Variants in PLA2G5 observed in about 807,000 individuals in gnomAD.
The protein encoded by PLA2G5 is Ca2+-dependent phospholipase A2.
A neutral mutation model predicts 15.9 loss-of-function variants in PLA2G5; 12 were observed. That is an observed-to-expected ratio of 0.76 (90% CI 0.48 to 1.23). The LOEUF (loss-of-function observed/expected upper bound fraction) is 1.23. Among genes scored for constraint, PLA2G5 ranks in the 50% most tolerant of loss-of-function variants. The pLI is 0.00. For synonymous variants in PLA2G5, 71 were observed against 71.4 expected, an observed-to-expected ratio of 0.99 and a Z score of 0.03; for missense variants, 169 against 177.1, an observed-to-expected ratio of 0.95 and a Z score of 0.26.
At chr1:20,035,852 G>T (rs1232593704) in intron 1 of PLA2G5, among the ~76,000 whole-genome samples, 1 of 152,120 alleles carries the variant, frequency 6.6e-6, no homozygotes, top group African/African-American at 2.4e-5. Flanking sequence ...TATGCTTTAA[G>T]AAGGTTCTAT....
upstream of PLA2G5, among the ~76,000 whole-genome samples, chr1:20,065,253 T>G (rs12027115): frequency 0.063 from 9,580 of 152,270 alleles, 492 homozygotes; most frequent in East Asian, 0.25. Flanking sequence ...TTGTTAAAAT[T>G]GACTCAATAT....
intron 1 of PLA2G5, among the ~76,000 whole-genome samples, chr1:20,037,847 C>A (rs2013353281): frequency 6.6e-6 from 1 of 151,948 alleles, no homozygotes; most frequent in Non-Finnish European, 1.5e-5. Context: ...GCTACCAGGG[C>A]TGGTAGAGAT....
chr1:20,090,558 C>T lies in PLA2G5; in HGVS notation c.293-10C>T. On this transcript the variant is annotated splice_polypyrimidine_tract_variant and intron_variant, in intron 4 of 4. Transcript: ENST00000375108. ...CCCACCCTCATTCTGCTCTTGGTGT[C>T]CTTTTGCAGAGCCCGGGCCCTTCTG... 6.2e-7 allele frequency: 1 copy of T among 1,614,048 alleles called. No individual in the cohort carries two copies. The highest frequency in any genetic ancestry group is 8.5e-7 in the Non-Finnish European group (1 of 1,179,936).
chr1:20,075,965 G>A (rs1052368173), intron 1 of PLA2G5, among the ~76,000 whole-genome samples: 4 of 148,748 alleles, frequency 2.7e-5, no homozygotes, highest in Non-Finnish European at 5.9e-5. Flanking sequence ...CCCGCCTTCC[G>A]GGTTCAAGCG....
intron 2 of PLA2G5, among the ~76,000 whole-genome samples, chr1:20,062,886 A>G (rs2014808122): frequency 6.6e-6 from 1 of 152,142 alleles, no homozygotes; most frequent in Non-Finnish European, 1.5e-5. Flanking sequence ...GATGATGGAC[A>G]AGCTGCTTGT....
intron 1 of PLA2G5, among the ~76,000 whole-genome samples, chr1:20,054,587 C>G (rs1203484675): frequency 6.6e-6 from 1 of 151,456 alleles, no homozygotes; most frequent in Non-Finnish European, 1.5e-5. Context: ...ATGTTTTCCT[C>G]CCAACTTGGA....
intron 1 of PLA2G5, among the ~76,000 whole-genome samples, chr1:20,055,646 G>T (rs1011043166): frequency 6.6e-6 from 1 of 152,160 alleles, no homozygotes; most frequent in Admixed American, 6.5e-5. Context: ...AGATTTCCCT[G>T]TAGATCCAAC....
In PLA2G5 at chr1:20,035,811, T is replaced by C. The variant is rs537900432; in HGVS notation, n.276+7102T>C. ...TTTTTATTTTGTTTTTTTATTTCAT[T>C]GTGTTACTGTTTTATAGGTCCTGTG... On this transcript the variant is annotated intron_variant and non_coding_transcript_variant, in intron 1 of 6. Coordinates refer to the PLA2G5 transcript ENST00000460175. Among the ~76,000 whole-genome samples the C allele has an allele frequency of 5.3e-5, 8 of 152,304 alleles. No homozygotes were observed. The East Asian group carries it at 1.5e-3, about 29-fold the overall frequency.
intron 1 of PLA2G5, among the ~76,000 whole-genome samples, chr1:20,075,779 G>A (rs1427220074): frequency 6.6e-6 from 1 of 151,934 alleles, no homozygotes; most frequent in African/African-American, 2.4e-5. Flanking sequence ...GCAATGGCCA[G>A]TTGTTGCCTG....
intron 1 of PLA2G5, among the ~76,000 whole-genome samples, chr1:20,078,063 G>A (rs1386888123): frequency 6.6e-6 from 1 of 152,136 alleles, no homozygotes; most frequent in Non-Finnish European, 1.5e-5. Flanking sequence ...GAGATGGGAT[G>A]GGGGGATTAG....
At chr1:20,064,583 A>T (rs1467103958) in intron 2 of PLA2G5, among the ~76,000 whole-genome samples, 1 of 137,946 alleles carries the variant, frequency 7.2e-6, no homozygotes, top group African/African-American at 2.7e-5. Flanking sequence ...TCAAAAAAGG[A>T]AAAAAAAAAA....
At chr1:20,078,096 G>T (rs1264576525) in intron 1 of PLA2G5, among the ~76,000 whole-genome samples, 1 of 152,158 alleles carries the variant, frequency 6.6e-6, no homozygotes, top group Non-Finnish European at 1.5e-5. Flanking sequence ...AGGCGGCACA[G>T]TGCAGCCTTG....
At chr1:20,087,240 C>G (rs979678429) in intron 3 of PLA2G5, among the ~76,000 whole-genome samples, 2 of 152,278 alleles carry the variant, frequency 1.3e-5, no homozygotes, top group South Asian at 4.1e-4. Flanking sequence ...CTCAGTTTTT[C>G]TGTAAACCAA....
intron 1 of PLA2G5, among the ~76,000 whole-genome samples, chr1:20,079,486 T>C (rs1295367277): frequency 6.6e-6 from 1 of 152,192 alleles, no homozygotes; most frequent in Non-Finnish European, 1.5e-5. Flanking sequence ...CATTAGTTTA[T>C]ATGCCTTATT....
chr1:20,086,682 C>T (rs1030262706), intron 3 of PLA2G5, among the ~76,000 whole-genome samples: 3 of 152,216 alleles, frequency 2.0e-5, no homozygotes, highest in African/African-American at 4.8e-5. Context: ...AGCATGGTGA[C>T]TCTTGGGTTG....
intron 1 of PLA2G5, among the ~76,000 whole-genome samples, chr1:20,058,658 C>G (rs898864370): frequency 6.6e-6 from 1 of 152,114 alleles, no homozygotes; most frequent in Non-Finnish European, 1.5e-5. Context: ...TGAGTCAAGC[C>G]TGCAGGAAGT....
chr1:20,066,590 T>A (rs1353265660), upstream of PLA2G5, among the ~76,000 whole-genome samples: 1 of 152,256 alleles, frequency 6.6e-6, no homozygotes, highest in African/African-American at 2.4e-5. Flanking sequence ...CTGCCTCCTA[T>A]GAACTTTCTA....
At position 20,091,776 on chromosome 1, in the gene PLA2G5, C is replaced by A. The variant is rs1433202351; in HGVS notation, c.*1084C>A. 2.0e-5 allele frequency among the ~76,000 whole-genome samples: 3 copies of A among 152,144 alleles called. No individual in the cohort carries two copies. The highest frequency in any genetic ancestry group is 2.1e-4 in the South Asian group (1 of 4,818). On this transcript the variant is annotated 3_prime_UTR_variant, in exon 5 of 5. Coordinates refer to ENST00000375108, the MANE Select transcript of PLA2G5 (RefSeq NM_000929.3). ...GATGTATTCCAAAACAAAGGAACAT[C>A]CTTCCAAGAAAGGACCTATGGCTTC...
At chr1:20,051,067 A>AT (rs1413742916) in intron 1 of PLA2G5, among the ~76,000 whole-genome samples, 2 of 152,130 alleles carry the variant, frequency 1.3e-5, no homozygotes, top group Non-Finnish European at 2.9e-5. Context: ...ATCTATAGTA[A>AT]TTATGTTATG....
Sources: gnomAD v4.1 joint callset for allele counts (sites outside exome capture counted in the v4.1 genomes callset) on GRCh38, gnomAD v4.1.1 for gene constraint, MANE v1.5 for transcripts, NCBI Gene and HGNC (gene_info 2026-07-23, HGNC 2026-07-21) for gene names.